Variants in SLC16A2 observed in about 807,000 individuals in gnomAD.
SLC16A2 encodes the protein monocarboxylate transporter 8.
SLC16A2 carries 3 observed loss-of-function variants against 27.2 expected under a neutral mutation model. The observed-to-expected ratio is 0.11, with a 90% confidence interval of 0.05 to 0.28. The LOEUF is 0.28. SLC16A2 is among the 10% of genes least tolerant of loss of function. The pLI is 1.00. For missense variants in SLC16A2, 295 were observed against 458.5 expected (o/e 0.64, Z 3.26); for synonymous variants, 202 against 187.8 (o/e 1.08, Z -0.62).
chrX:74,473,190 G>A lies in SLC16A2; in HGVS notation c.431-47800G>A, dbSNP rs1929391845. 4 of 731,555 alleles carry A rather than the reference G, an allele frequency of 5.5e-6. No individual in the cohort carries two copies. The South Asian group carries it at 8.4e-5, about 15-fold the overall frequency. The allele number at this position is 731,555 out of a possible 1,213,427, so 60.3% of individuals were successfully genotyped here. ...GATTGTTGTAACTGCCAAAATCATTGTAGCTTCCACCACCTCCAAAATTGC... is the reference window on the plus strand; with the variant it reads ...GATTGTTGTAACTGCCAAAATCATTATAGCTTCCACCACCTCCAAAATTGC... On this transcript the variant is annotated intron_variant, in intron 1 of 5. Transcript: ENST00000587091.
intron 1 of SLC16A2, among the ~76,000 whole-genome samples, chrX:74,427,486 G>A (rs968394433): frequency 1.8e-5 from 2 of 111,590 alleles, no homozygotes; most frequent in Non-Finnish European, 3.8e-5. Flanking sequence ...GTCATTGGCC[G>A]TATTGCCTCC....
rs763417269 is a variant in SLC16A2 at position 74,510,383 on chromosome X, T to TAA, written c.431-10596_431-10595dup. 3.0e-5 allele frequency among the ~76,000 whole-genome samples: 3 copies of TAA among 101,140 alleles called. 1 individual carries two copies. Among genetic ancestry groups the TAA allele is most frequent in the African/African-American group, 7.2e-5 (2 of 27,917 alleles). The allele number at this position is 101,140 out of a possible 115,157, so 87.8% of individuals were successfully genotyped here. A position where few individuals can be genotyped will look rare whatever the true frequency, so the allele number is the denominator to read the frequency against. On this transcript the variant is annotated intron_variant, in intron 1 of 5. Transcript: ENST00000587091. ...TTCTCCCAACACTGGTGTGTTTTAG[T>TAA]AAAAAAAAAAAACAAAACAAAACAC...
At chrX:74,437,377 G>A (rs770887181) in intron 1 of SLC16A2, among the ~76,000 whole-genome samples, 2 of 112,386 alleles carry the variant, frequency 1.8e-5, no homozygotes, top group Admixed American at 1.9e-4. Flanking sequence ...ATGACGAGGA[G>A]ATCAAGCTCC....
At chrX:74,511,244 C>T (rs1054921250) in intron 1 of SLC16A2, among the ~76,000 whole-genome samples, 2 of 110,414 alleles carry the variant, frequency 1.8e-5, no homozygotes, top group African/African-American at 3.3e-5. Context: ...TGCAGTGGCC[C>T]GATCTCGGCT....
Position 74,499,616 on chromosome X carries a change from G to T in SLC16A2, c.431-21374G>T, listed in dbSNP as rs1929994187. On this transcript the variant is annotated intron_variant, in intron 1 of 5. Coordinates refer to ENST00000587091, the MANE Select transcript of SLC16A2 (RefSeq NM_006517.5). Reference sequence around the variant, plus strand: ...TTGCAAGCATGCGCCACCACATCTGGCTCATTTTTGTACTTTTAGTAGAGA... The same window carrying T: ...TTGCAAGCATGCGCCACCACATCTGTCTCATTTTTGTACTTTTAGTAGAGA... Among the ~76,000 whole-genome samples the T allele has an allele frequency of 3.6e-5, 4 of 109,687 alleles. No homozygotes were observed. The South Asian group carries it at 1.6e-3, about 43-fold the overall frequency.
chrX:74,519,412 C>T (rs1364150066), intron 1 of SLC16A2, among the ~76,000 whole-genome samples: 3 of 103,262 alleles, frequency 2.9e-5, no homozygotes, highest in Admixed American at 2.0e-4. Context: ...CTCCTGACCT[C>T]GTGATCTGCC....
intron 1 of SLC16A2, among the ~76,000 whole-genome samples, chrX:74,475,850 T>C (rs1324348429): frequency 2.7e-5 from 3 of 111,878 alleles, no homozygotes; most frequent in Non-Finnish European, 5.6e-5. Context: ...ATCTCTGTTT[T>C]GGTACCAGTA....
chrX:74,467,073 G>C (rs1246812179), intron 1 of SLC16A2, among the ~76,000 whole-genome samples: 1 of 112,111 alleles, frequency 8.9e-6, no homozygotes, highest in Non-Finnish European at 1.9e-5. Context: ...CTGCCAGAGA[G>C]AGAGGTATAA....
chrX:74,488,869 A>G (rs1048397231), intron 1 of SLC16A2, among the ~76,000 whole-genome samples: 46 of 111,528 alleles, frequency 4.1e-4, no homozygotes, highest in Admixed American at 3.8e-4. Flanking sequence ...ACCTTGTTTT[A>G]TACATAACCC....
chrX:74,456,444 T>A (rs1929042169), intron 1 of SLC16A2, among the ~76,000 whole-genome samples: 1 of 111,386 alleles, frequency 9.0e-6, no homozygotes, highest in Admixed American at 9.6e-5. Context: ...CTCCATGGGA[T>A]GCTGCTACAG....
chrX:74,475,049 C>T (rs1313882797), intron 1 of SLC16A2, among the ~76,000 whole-genome samples: 10 of 110,909 alleles, frequency 9.0e-5, no homozygotes, highest in Non-Finnish European at 1.5e-4. Flanking sequence ...CCTGAGGAAT[C>T]GCCACACTGA....
At chrX:74,462,077 G>A (rs750798733) in intron 1 of SLC16A2, among the ~76,000 whole-genome samples, 1 of 111,835 alleles carries the variant, frequency 8.9e-6, no homozygotes, top group South Asian at 3.8e-4. Context: ...TCCCTCCAGT[G>A]GCAGAAACCC....
At chrX:74,477,904 A>C (rs898002213) in intron 1 of SLC16A2, among the ~76,000 whole-genome samples, 13 of 111,678 alleles carry the variant, frequency 1.2e-4, no homozygotes, top group East Asian at 8.4e-4. Flanking sequence ...GCTTTACTTC[A>C]AAGTATGTGG....
At position 74,473,575 on chromosome X, in the gene SLC16A2, A is replaced by C. The variant is rs187155458; in HGVS notation, c.431-47415A>C. 2.7e-4 allele frequency: 216 copies of C among 791,023 alleles called. 1 individual carries two copies. The East Asian group carries it at 6.7e-3, about 24-fold the overall frequency. The allele number at this position is 791,023 out of a possible 1,213,427, so 65.2% of individuals were successfully genotyped here. ...CTTCAATTTTTCCATACTATTCAAAATAATCTCTTAGTTGATGTTCTTCAG... is the reference window on the plus strand; with the variant it reads ...CTTCAATTTTTCCATACTATTCAAACTAATCTCTTAGTTGATGTTCTTCAG... On this transcript the variant is annotated intron_variant, in intron 1 of 5. Coordinates refer to ENST00000587091, the MANE Select transcript of SLC16A2 (RefSeq NM_006517.5).
chrX:74,517,512 T>C (rs1930334710), intron 1 of SLC16A2, among the ~76,000 whole-genome samples: 1 of 111,684 alleles, frequency 9.0e-6, no homozygotes, highest in Admixed American at 9.5e-5. Context: ...TTTTTTACTC[T>C]GGCCAGAATA....
chrX:74,489,817 A>G (rs1411716122), intron 1 of SLC16A2, among the ~76,000 whole-genome samples: 2 of 111,163 alleles, frequency 1.8e-5, no homozygotes, highest in South Asian at 3.8e-4. Context: ...ACATTTGCCT[A>G]TTAAAGGAAA....
intron 1 of SLC16A2, among the ~76,000 whole-genome samples, chrX:74,486,307 T>G (rs1929720308): frequency 8.9e-6 from 1 of 112,240 alleles, no homozygotes. Context: ...AATATTTTTC[T>G]TTAATTCTAT....
chrX:74,423,638 G>C (rs1204243811), intron 1 of SLC16A2, among the ~76,000 whole-genome samples: 1 of 111,880 alleles, frequency 8.9e-6, no homozygotes, highest in Non-Finnish European at 1.9e-5. Flanking sequence ...AGGGGTCCTG[G>C]GACAGTGTAG....
At chrX:74,439,158 C>CTT (rs770962783) in intron 1 of SLC16A2, among the ~76,000 whole-genome samples, 2 of 62,219 alleles carry the variant, frequency 3.2e-5, no homozygotes, top group African/African-American at 1.6e-4. Flanking sequence ...GCTTGCTCAA[C>CTT]TCTTTCTTTC....
Sources: gnomAD v4.1 joint callset for allele counts (sites outside exome capture counted in the v4.1 genomes callset) on GRCh38, gnomAD v4.1.1 for gene constraint, MANE v1.5 for transcripts, NCBI Gene and HGNC (gene_info 2026-07-23, HGNC 2026-07-21) for gene names.